The following GOLGA4 variants were observed in gnomAD, a reference collection of about 807,000 sequenced individuals.
GOLGA4 encodes golgin A4.
In GOLGA4, 169 loss-of-function variants were observed where a neutral mutation model predicts 265.9. That is an observed-to-expected ratio of 0.64 (90% CI 0.56 to 0.72). The LOEUF is 0.72. Among genes scored for constraint, GOLGA4 ranks in the 30% least tolerant of loss-of-function variants. GOLGA4 has a pLI of 0.00. For missense variants in GOLGA4, 2,482 were observed against 2,483.4 expected (o/e 1.00, Z 0.01); for synonymous variants, 923 against 855.8 (o/e 1.08, Z -1.37).
intron 3 of GOLGA4, among the ~76,000 whole-genome samples, chr3:37,282,908 C>G (rs2096838655): frequency 6.6e-6 from 1 of 152,148 alleles, no homozygotes; most frequent in Non-Finnish European, 1.5e-5. Flanking sequence ...TTATTTGTTG[C>G]CCTCCCTCAA....
chr3:37,280,117 AC>A (rs2096830884), intron 2 of GOLGA4, among the ~76,000 whole-genome samples: 1 of 152,218 alleles, frequency 6.6e-6, no homozygotes, highest in Non-Finnish European at 1.5e-5. Flanking sequence ...AACAGCTATT[AC>A]AGATATTCTG....
chr3:37,298,424 G>T (rs1461325457), intron 7 of GOLGA4, among the ~76,000 whole-genome samples: 1 of 152,148 alleles, frequency 6.6e-6, no homozygotes, highest in South Asian at 2.1e-4. Context: ...TCTGGGTGTT[G>T]CCAGCTGATC....
intron 23 of GOLGA4, among the ~76,000 whole-genome samples, chr3:37,365,158 T>A (rs1696651796): frequency 6.6e-6 from 1 of 152,160 alleles, no homozygotes. Flanking sequence ...GAGACATAAA[T>A]TTCCACACCA....
intron 2 of GOLGA4, among the ~76,000 whole-genome samples, chr3:37,280,860 C>T (rs2096832860): frequency 6.6e-6 from 1 of 152,100 alleles, no homozygotes; most frequent in Non-Finnish European, 1.5e-5. Flanking sequence ...AGGTATGGGA[C>T]ATATTATCTC....
intron 21 of GOLGA4, among the ~76,000 whole-genome samples, chr3:37,349,216 A>G (rs1157650203): frequency 3.3e-5 from 5 of 152,178 alleles, no homozygotes; most frequent in African/African-American, 1.2e-4. Context: ...AGATAGCAAG[A>G]TGACATTTGA....
chr3:37,313,958 C>G (rs796188836), intron 10 of GOLGA4, among the ~76,000 whole-genome samples: 2 of 147,890 alleles, frequency 1.4e-5, no homozygotes, highest in South Asian at 2.1e-4. Context: ...CACGTAAACA[C>G]ACATGTATTT....
intron 5 of GOLGA4, among the ~76,000 whole-genome samples, chr3:37,292,169 GT>G (rs563143295): frequency 6.6e-6 from 1 of 151,778 alleles, no homozygotes; most frequent in Non-Finnish European, 1.5e-5. Flanking sequence ...TTTTTGGTTT[GT>G]TTTTTTTGTT....
intron 21 of GOLGA4, among the ~76,000 whole-genome samples, chr3:37,353,700 A>T (rs947591506): frequency 6.6e-6 from 1 of 151,966 alleles, no homozygotes; most frequent in Non-Finnish European, 1.5e-5. Context: ...CACCTGACTA[A>T]TTTTTAAGAT....
chr3:37,328,496 A>C lies in GOLGA4; in HGVS notation c.6020A>C (p.Gln2007Pro), dbSNP rs1270184024. ...AGGGAGTTTAATACACAGCTGGCAC[A>C]AAAGGAACAAGAGCTGGAAATGACC... Reference protein sequence around the residue: ...LMREFNTQLAQKEQELEMTIK... With the variant: ...LMREFNTQLAPKEQELEMTIK... Residue 2007 changes from glutamine (Q) to proline (P), a missense_variant, in exon 15 of 24, where the codon CAA (glutamine) becomes CCA (proline). Gln to Pro is a moderately conservative substitution (Grantham distance 76). Transcript: ENST00000361924. The C allele has an allele frequency of 6.2e-7, 1 of 1,613,096 alleles. No homozygotes were observed. Among genetic ancestry groups the C allele is most frequent in the Non-Finnish European group, 8.5e-7 (1 of 1,179,256 alleles).
rs34797146 is a variant in GOLGA4, at chr3:37,274,099, CA to C, written c.163-7842del. On this transcript the variant is annotated intron_variant, in intron 2 of 23. Transcript: ENST00000361924. ...TGAGCAACAGAGTGAGGCTCTGTCT[CA>C]AAAAAAAAAAAAAAAAGATAATAAT... 3.8e-3 allele frequency among the ~76,000 whole-genome samples: 387 copies of C among 101,968 alleles called. 1 individual carries two copies. The Middle Eastern group carries it at 0.04, about 11-fold the overall frequency. The allele number at this position is 101,968 out of a possible 152,430, so 66.9% of individuals were successfully genotyped here.
At chr3:37,245,695 G>A (rs2096717412) in intron 1 of GOLGA4, among the ~76,000 whole-genome samples, 1 of 152,038 alleles carries the variant, frequency 6.6e-6, no homozygotes, top group East Asian at 1.9e-4. Context: ...CAGGGCATCT[G>A]GATCAAATAA....
chr3:37,254,363 G>T (rs778850151), intron 2 of GOLGA4, among the ~76,000 whole-genome samples: 1 of 152,068 alleles, frequency 6.6e-6, no homozygotes, highest in Non-Finnish European at 1.5e-5. Flanking sequence ...AGGATATAGT[G>T]TATATGACAT....
In GOLGA4 at chr3:37,327,489, A is replaced by T. The variant is rs749575274; in HGVS notation, c.5603A>T (p.Glu1868Val). 6.2e-7 allele frequency: 1 copy of T among 1,613,394 alleles called. No homozygotes were observed. The highest frequency in any genetic ancestry group is 1.7e-5 in the Admixed American group (1 of 59,954). Residue 1868 changes from glutamate (E) to valine (V), a missense_variant, in exon 14 of 24, where the codon GAA (glutamate) becomes GTA (valine). Glu to Val is a moderately radical substitution (Grantham distance 121, BLOSUM62 -2). Transcript: ENST00000361924. ...GATTCCTGCTTAGTAAGACAGAAAG[A>T]AGTACATAGAGTTGAAATGGAAGAG... ...ELDSCLVRQK[E>V]VHRVEMEELT...
At chr3:37,289,395 C>T (rs1192662624) in intron 5 of GOLGA4, 104 bp downstream of exon 5, 1 of 684,864 alleles carries the variant, frequency 1.5e-6, no homozygotes, top group Non-Finnish European at 2.5e-6. Flanking sequence ...ATTAGTTATA[C>T]TAATAACTAA....
In GOLGA4 at chr3:37,337,125, T is replaced by C. The variant is rs1578772533; in HGVS notation, c.6307-18T>C. ...CTATTATTGTATACACTCATGTTTT[T>C]TCTTTCCATTTTTTCAGGTAACAAT... On this transcript the variant is annotated intron_variant, in intron 17 of 23. Transcript: ENST00000361924. 7.1e-7 allele frequency: 1 copy of C among 1,411,886 alleles called. No individual in the cohort carries two copies. The highest frequency in any genetic ancestry group is 9.9e-7 in the Non-Finnish European group (1 of 1,007,978). 87.5% of individuals were successfully genotyped at this position (1,411,886 alleles called of 1,614,324 possible). A position where few individuals can be genotyped will look rare whatever the true frequency, so the allele number is the denominator to read the frequency against.
chr3:37,269,885 CTTTTTTTTTTT>C (rs763272448), intron 2 of GOLGA4, among the ~76,000 whole-genome samples: 5 of 79,028 alleles, frequency 6.3e-5, no homozygotes, highest in East Asian at 3.1e-4. Flanking sequence ...TGTAGGGTAG[CTTTTTTTTTTT>C]TTTTTTTTTT....
intron 3 of GOLGA4, among the ~76,000 whole-genome samples, chr3:37,285,390 G>A (rs1275033705): frequency 6.6e-6 from 1 of 152,122 alleles, no homozygotes; most frequent in Non-Finnish European, 1.5e-5. Flanking sequence ...TAAATATCCT[G>A]TTTAGGTTAA....
chr3:37,323,646 C>T lies in GOLGA4; in HGVS notation c.1760C>T (p.Ser587Leu), dbSNP rs1437371313. 1 of 1,584,346 alleles carries T rather than the reference C, an allele frequency of 6.3e-7. No homozygotes were observed. The highest frequency in any genetic ancestry group is 8.5e-7 in the Non-Finnish European group (1 of 1,170,562). ...EKSLQENKNQ[S>L]KDLAVHLEAE... ...AGCTTACAAGAAAACAAAAATCAGT[C>T]AAAAGATTTGGCTGTTCATCTGGAA... The change falls in exon 14 of 24, where the codon TCA (serine) becomes TTA (leucine). Residue 587 changes from serine to leucine, a missense_variant. Coordinates refer to ENST00000361924, the MANE Select transcript of GOLGA4 (RefSeq NM_002078.5).
In GOLGA4 at chr3:37,327,682, A is replaced by T; in HGVS notation, c.5796A>T (p.Leu1932Phe). 5.6e-6 allele frequency: 9 copies of T among 1,614,064 alleles called. No individual in the cohort carries two copies. Among genetic ancestry groups the T allele is most frequent in the Non-Finnish European group, 7.6e-6 (9 of 1,179,936 alleles). Residue 1932 changes from leucine to phenylalanine, a missense_variant, in exon 14 of 24, where the codon TTA becomes TTT. Leu to Phe is a conservative substitution (Grantham distance 22). This residue lies in a region of GOLGA4 where 942 missense variants were observed against 983.1 expected (regional missense o/e 0.96). Coordinates refer to ENST00000361924, the MANE Select transcript of GOLGA4 (RefSeq NM_002078.5). ...EAQHNDLEFKLAGAEREKQKL... is the reference protein window; with the variant it reads ...EAQHNDLEFKFAGAEREKQKL... ...AGCACAATGATCTGGAGTTTAAATTAGCCGGGGCAGAACGGGAGAAACAGA... is the reference window on the plus strand; with the variant it reads ...AGCACAATGATCTGGAGTTTAAATTTGCCGGGGCAGAACGGGAGAAACAGA...
Sources: allele counts gnomAD v4.1 joint callset (sites outside exome capture counted in the v4.1 genomes callset), GRCh38; gene constraint gnomAD v4.1.1; regional missense constraint gnomAD v4.1.1; transcripts MANE v1.5; gene names NCBI Gene and HGNC (gene_info 2026-07-23, HGNC 2026-07-21).